Variants in SENP6 observed in about 807,000 individuals in gnomAD.
The protein encoded by SENP6 is SUMO specific peptidase 6.
Under a neutral mutation model 134.5 loss-of-function variants are expected in SENP6, and 41 were observed. That is an observed-to-expected ratio of 0.30 (90% CI 0.24 to 0.40). The LOEUF (loss-of-function observed/expected upper bound fraction) is 0.40, where lower values mean the gene tolerates loss of function less well. Among genes scored for constraint, SENP6 ranks in the 10% least tolerant of loss-of-function variants. SENP6 has a pLI of 1.00. For missense variants in SENP6, 1,248 were observed against 1,312.5 expected (o/e 0.95, Z 0.76); for synonymous variants, 395 against 429.8 (o/e 0.92, Z 1.00).
At chr6:75,711,453 T>C (rs1230788017) in intron 21 of SENP6, 37 bp downstream of exon 21, 1 of 1,358,088 alleles carries the variant, frequency 7.4e-7, no homozygotes, top group Non-Finnish European at 1.0e-6. Context: ...ACTACATAAT[T>C]TTTAAGTATG....
chr6:75,644,338 C>A (rs749423075), intron 6 of SENP6, among the ~76,000 whole-genome samples: 1 of 152,092 alleles, frequency 6.6e-6, no homozygotes, highest in Admixed American at 6.5e-5. Flanking sequence ...TATGAAATAC[C>A]TGACGAGTTC....
chr6:75,622,859 G>C (rs1768380804), intron 2 of SENP6: 1 of 1,243,442 alleles, frequency 8.0e-7, no homozygotes, highest in Non-Finnish European at 1.1e-6. Flanking sequence ...CTTTGAACTG[G>C]TAAGTCTCTC....
intron 19 of SENP6, among the ~76,000 whole-genome samples, chr6:75,705,880 T>C (rs1161904851): frequency 1.3e-5 from 2 of 148,800 alleles, no homozygotes; most frequent in Non-Finnish European, 1.5e-5. Flanking sequence ...CTGTTACTTA[T>C]ACCAGCTTAT....
chr6:75,652,303 G>A (rs1306006239), intron 7 of SENP6, among the ~76,000 whole-genome samples: 3 of 151,572 alleles, frequency 2.0e-5, no homozygotes, highest in South Asian at 2.1e-4. Flanking sequence ...GAGCCACCAC[G>A]CCCAGCTGCA....
chr6:75,693,515 T>C (rs1774440700), intron 16 of SENP6, among the ~76,000 whole-genome samples: 1 of 152,132 alleles, frequency 6.6e-6, no homozygotes, highest in Admixed American at 6.5e-5. Flanking sequence ...TAGCTATTTA[T>C]CTACATAGTG....
intron 6 of SENP6, among the ~76,000 whole-genome samples, chr6:75,645,586 T>C (rs1162748822): frequency 2.0e-5 from 3 of 152,014 alleles, no homozygotes; most frequent in African/African-American, 7.2e-5. Context: ...ACGCTACTGT[T>C]CTCCAGCCTG....
chr6:75,671,186 C>T (rs1772646443), intron 11 of SENP6, among the ~76,000 whole-genome samples: 2 of 152,204 alleles, frequency 1.3e-5, no homozygotes, highest in South Asian at 2.1e-4. Context: ...TGTGTACTTA[C>T]TATTCTGCCA....
chr6:75,693,516 C>T (rs1450103425), intron 16 of SENP6, among the ~76,000 whole-genome samples: 1 of 151,212 alleles, frequency 6.6e-6, no homozygotes, highest in Admixed American at 6.6e-5. Context: ...AGCTATTTAT[C>T]TACATAGTGT....
Position 75,602,471 on chromosome 6 carries a change from C to G in SENP6, c.-54C>G. ...CGGCGCGGCCCCTCATCCCGGCGAG[C>G]ACGGCGGCGGTGTGGGCCATGGATT... On this transcript the variant is annotated 5_prime_UTR_variant, in exon 1 of 24. Transcript: ENST00000447266. The G allele has an allele frequency of 6.5e-7, 1 of 1,545,324 alleles. No homozygotes were observed.
intron 11 of SENP6, among the ~76,000 whole-genome samples, chr6:75,672,346 A>G (rs1453698669): frequency 6.6e-6 from 1 of 152,226 alleles, no homozygotes. Context: ...CTACATTAAA[A>G]TTTGGATGAA....
chr6:75,692,201 A>G (rs1327851944), intron 16 of SENP6, among the ~76,000 whole-genome samples: 1 of 152,168 alleles, frequency 6.6e-6, no homozygotes. Flanking sequence ...TTTAATTCTA[A>G]AATGAGAGAT....
chr6:75,623,806 C>G, intron 2 of SENP6, 94 bp from the exon 3 acceptor site: 1 of 1,106,612 alleles, frequency 9.0e-7, no homozygotes, highest in Non-Finnish European at 1.3e-6. Flanking sequence ...TTGCTGATTC[C>G]CTGAATTAGG....
chr6:75,615,543 T>A (rs886893653), intron 1 of SENP6, among the ~76,000 whole-genome samples: 1 of 152,240 alleles, frequency 6.6e-6, no homozygotes, highest in African/African-American at 2.4e-5. Flanking sequence ...TTCAAATGTT[T>A]ACTTTTGCTT....
intron 17 of SENP6, 70 bp from the exon 18 acceptor site, chr6:75,697,355 A>T: frequency 9.3e-7 from 1 of 1,080,214 alleles, no homozygotes; most frequent in Non-Finnish European, 1.3e-6. Flanking sequence ...TTCTTAATTT[A>T]TAAATCACTA....
chr6:75,694,023 G>A (rs1203145687), intron 16 of SENP6, among the ~76,000 whole-genome samples: 4 of 152,180 alleles, frequency 2.6e-5, no homozygotes, highest in Admixed American at 6.5e-5. Flanking sequence ...TTAGGAGGCC[G>A]AGGCAGGTGG....
intron 23 of SENP6, 129 bp downstream of exon 23, chr6:75,713,954 TGGAG>T: frequency 1.4e-6 from 1 of 727,944 alleles, no homozygotes; most frequent in Non-Finnish European, 2.1e-6. Flanking sequence ...AATTATTCCA[TGGAG>T]CAAAAACTTC....
chr6:75,684,688 G>A (rs760952275), intron 16 of SENP6, among the ~76,000 whole-genome samples: 7 of 152,116 alleles, frequency 4.6e-5, no homozygotes, highest in Non-Finnish European at 8.8e-5. Flanking sequence ...CTGTTTATAC[G>A]ATGGATTATG....
In SENP6 at chr6:75,695,774, A is replaced by ATTATAT. The variant is rs1197280111; in HGVS notation, c.2076-27_2076-22dup. 9.3e-6 allele frequency: 14 copies of ATTATAT among 1,504,790 alleles called. No individual in the cohort carries two copies. In the Admixed American group the frequency reaches 2.9e-4, roughly 31 times the overall value. 93.2% of individuals were successfully genotyped at this position (1,504,790 alleles called of 1,614,324 possible). On this transcript the variant is annotated intron_variant, in intron 16 of 23. Transcript: ENST00000447266. ...ATAAATAAAGTGAACTGTTACATTA[A>ATTATAT]TTATATTTGAATTATTTTCTATCAA...
At chr6:75,607,014 G>A (rs1447721524) in intron 1 of SENP6, among the ~76,000 whole-genome samples, 3 of 152,060 alleles carry the variant, frequency 2.0e-5, no homozygotes, top group African/African-American at 4.8e-5. Context: ...ATAGGAGAGC[G>A]GTGCAAGATG....
Sources: gnomAD v4.1 joint callset for allele counts (sites outside exome capture counted in the v4.1 genomes callset) on GRCh38, gnomAD v4.1.1 for gene constraint, MANE v1.5 for transcripts, NCBI Gene and HGNC (gene_info 2026-07-23, HGNC 2026-07-21) for gene names.